NEXMIF: variants seen among roughly 807,000 people sequenced by gnomAD.
The protein encoded by NEXMIF is XLMR protein related to neurite extension.
NEXMIF carries 8 observed loss-of-function variants against 62.1 expected under a neutral mutation model. That is an observed-to-expected ratio of 0.13 (90% CI 0.08 to 0.23). The LOEUF is 0.23. Among genes scored for constraint, NEXMIF ranks in the 10% least tolerant of loss-of-function variants. NEXMIF has a pLI of 1.00. For missense variants in NEXMIF, 976 were observed against 1,113.3 expected, an observed-to-expected ratio of 0.88 and a Z score of 1.75; for synonymous variants, 404 against 416.6, an observed-to-expected ratio of 0.97 and a Z score of 0.37.
chrX:74,852,482 T>G (rs937525883), intron 1 of NEXMIF, among the ~76,000 whole-genome samples: 1 of 112,133 alleles, frequency 8.9e-6, no homozygotes, highest in African/African-American at 3.2e-5. Context: ...AACAGACATT[T>G]ACAGAACATT....
chrX:74,874,021 C>T (rs2080616649), intron 1 of NEXMIF, among the ~76,000 whole-genome samples: 1 of 110,731 alleles, frequency 9.0e-6, no homozygotes, highest in South Asian at 3.9e-4. Context: ...TCAATTTTGT[C>T]TTTTGTTGCC....
chrX:74,858,517 C>A (rs764596556), intron 1 of NEXMIF, among the ~76,000 whole-genome samples: 23 of 111,871 alleles, frequency 2.1e-4, no homozygotes, highest in African/African-American at 6.8e-4. Context: ...CATGCAAGTC[C>A]TTTTAAATAC....
chrX:74,852,489 C>T (rs979353091), intron 1 of NEXMIF, among the ~76,000 whole-genome samples: 24 of 112,061 alleles, frequency 2.1e-4, no homozygotes, highest in African/African-American at 7.1e-4. Flanking sequence ...ATTTACAGAA[C>T]ATTTCATCCA....
At chrX:74,759,746 T>C (rs1293211023) in intron 1 of NEXMIF, among the ~76,000 whole-genome samples, 1 of 111,607 alleles carries the variant, frequency 9.0e-6, no homozygotes, top group Admixed American at 9.6e-5. Context: ...CATTGGTATA[T>C]GTGTCTGTTT....
At chrX:74,854,647 G>A (rs1371212930) in intron 1 of NEXMIF, among the ~76,000 whole-genome samples, 1 of 111,620 alleles carries the variant, frequency 9.0e-6, no homozygotes, top group Non-Finnish European at 1.9e-5. Context: ...ATCCACCTCT[G>A]CAGACAACAT....
intron 1 of NEXMIF, among the ~76,000 whole-genome samples, chrX:74,899,252 A>C (rs2080741663): frequency 8.9e-6 from 1 of 111,827 alleles, no homozygotes; most frequent in Non-Finnish European, 1.9e-5. Flanking sequence ...AAAGAAATAA[A>C]AGGCATCAAA....
At chrX:74,807,096 TA>T (rs1466931237) in intron 1 of NEXMIF, among the ~76,000 whole-genome samples, 1 of 112,546 alleles carries the variant, frequency 8.9e-6, no homozygotes, top group Non-Finnish European at 1.9e-5. Flanking sequence ...CTGGGATTTT[TA>T]TTTGGATTGT....
chrX:74,801,191 G>T (rs1473336124), intron 1 of NEXMIF, among the ~76,000 whole-genome samples: 1 of 111,798 alleles, frequency 8.9e-6, no homozygotes, highest in African/African-American at 3.3e-5. Flanking sequence ...TCATTGCATG[G>T]ATATAACAGT....
At chrX:74,840,607 T>C (rs1357348124) in intron 1 of NEXMIF, among the ~76,000 whole-genome samples, 3 of 112,328 alleles carry the variant, frequency 2.7e-5, no homozygotes, top group Non-Finnish European at 5.6e-5. Flanking sequence ...CCAGGGTTTT[T>C]ATAGTTTTGG....
chrX:74,887,305 C>A (rs2080698858), intron 1 of NEXMIF, among the ~76,000 whole-genome samples: 1 of 110,788 alleles, frequency 9.0e-6, no homozygotes, highest in South Asian at 3.9e-4. Flanking sequence ...CAAATGGGAT[C>A]TAATTAAACT....
intron 1 of NEXMIF, among the ~76,000 whole-genome samples, chrX:74,894,626 A>C (rs1454332092): frequency 8.9e-6 from 1 of 112,329 alleles, no homozygotes; most frequent in Non-Finnish European, 1.9e-5. Context: ...ATACATTAGA[A>C]AGATCATTTA....
At chrX:74,768,114 C>A (rs1233792838) in intron 1 of NEXMIF, among the ~76,000 whole-genome samples, 1 of 111,287 alleles carries the variant, frequency 9.0e-6, no homozygotes, top group Non-Finnish European at 1.9e-5. Context: ...AGACTGCAGG[C>A]CCTGGTGGAG....
intron 1 of NEXMIF, among the ~76,000 whole-genome samples, chrX:74,840,563 C>T (rs1253397049): frequency 4.5e-5 from 5 of 111,768 alleles, no homozygotes; most frequent in Non-Finnish European, 7.5e-5. Flanking sequence ...TTTGGCCATT[C>T]CTATGTCTAG....
intron 1 of NEXMIF, among the ~76,000 whole-genome samples, chrX:74,922,449 C>T (rs2080830293): frequency 9.0e-6 from 1 of 111,537 alleles, no homozygotes; most frequent in South Asian, 3.7e-4. Flanking sequence ...TCAAATTCTG[C>T]CATGTACTTA....
intron 1 of NEXMIF, among the ~76,000 whole-genome samples, chrX:74,845,362 G>C (rs1602248378): frequency 1.8e-5 from 2 of 111,822 alleles, no homozygotes; most frequent in South Asian, 7.4e-4. Flanking sequence ...AAAAATAAAG[G>C]TGCTGTTTCC....
At chrX:74,849,952 A>C (rs2080507129) in intron 1 of NEXMIF, among the ~76,000 whole-genome samples, 1 of 112,063 alleles carries the variant, frequency 8.9e-6, no homozygotes, top group Admixed American at 9.4e-5. Flanking sequence ...CAGCACAGTC[A>C]CTGCTGTTCC....
chrX:74,772,269 G>A (rs1020467995), intron 1 of NEXMIF, among the ~76,000 whole-genome samples: 3 of 112,390 alleles, frequency 2.7e-5, no homozygotes. Flanking sequence ...ATGCAGTCAA[G>A]CTCCTCCACT....
chrX:74,740,854 C>T lies in NEXMIF; in HGVS notation c.3703G>A (p.Glu1235Lys), dbSNP rs778573611. 4 of 1,212,149 alleles carry T rather than the reference C, an allele frequency of 3.3e-6. No individual in the cohort carries two copies. Among genetic ancestry groups the T allele is most frequent in the South Asian group, 1.8e-5 (1 of 57,007 alleles). Reference protein sequence around the residue: ...KGKYMAAINGEKMQIGIGRGG... With the variant: ...KGKYMAAINGKKMQIGIGRGG... ...CGGCCAATGCCAATTTGCATTTTCTCTCCATTGATGGCAGCCATGTATTTC... is the reference window on the plus strand; with the variant it reads ...CGGCCAATGCCAATTTGCATTTTCTTTCCATTGATGGCAGCCATGTATTTC... The change falls in exon 3 of 4, where the codon GAG (glutamate) becomes AAG (lysine). Residue 1235 changes from glutamate to lysine, a missense_variant. Glu to Lys is a moderately conservative substitution (Grantham distance 56). Transcript: ENST00000055682.
intron 1 of NEXMIF, among the ~76,000 whole-genome samples, chrX:74,853,529 A>G (rs1602251529): frequency 9.1e-6 from 1 of 109,840 alleles, no homozygotes; most frequent in African/African-American, 3.3e-5. Flanking sequence ...CATCATTTAC[A>G]TATAAAAGCT....
Sources: allele counts gnomAD v4.1 joint callset (sites outside exome capture counted in the v4.1 genomes callset), GRCh38; gene constraint gnomAD v4.1.1; transcripts MANE v1.5; gene names NCBI Gene and HGNC (gene_info 2026-07-23, HGNC 2026-07-21).